The following PAX7 variants were observed in gnomAD, a reference collection of about 807,000 sequenced individuals.
The protein encoded by PAX7 is paired box protein Pax-7.
A neutral mutation model predicts 50.7 loss-of-function variants in PAX7; 18 were observed. That is an observed-to-expected ratio of 0.36 (90% CI 0.25 to 0.53). The LOEUF (loss-of-function observed/expected upper bound fraction) is 0.53. Among genes scored for constraint, PAX7 ranks in the 20% least tolerant of loss-of-function variants. The pLI is 0.93. For missense variants in PAX7, 644 were observed against 702.9 expected (o/e 0.92, Z 0.95); for synonymous variants, 310 against 290.4 (o/e 1.07, Z -0.69).
intron 8 of PAX7, among the ~76,000 whole-genome samples, chr1:18,741,785 T>C (rs137959679): frequency 6.6e-6 from 1 of 152,266 alleles, no homozygotes; most frequent in Non-Finnish European, 1.5e-5. Flanking sequence ...GAGCAGAACA[T>C]GGGATCAATG....
In PAX7 at chr1:18,655,158, CTG is replaced by C. The variant is rs562262366; in HGVS notation, c.586+18789_586+18790del. ...ATCTCATTACTGCAAAAAATAAAGACTGTTATTTTCAATGAAGACAATGTGAC... is the reference window on the plus strand; with the variant it reads ...ATCTCATTACTGCAAAAAATAAAGACTTATTTTCAATGAAGACAATGTGAC... On this transcript the variant is annotated intron_variant, in intron 4 of 8. Coordinates refer to ENST00000420770, the MANE Select transcript of PAX7 (RefSeq NM_001135254.2). Among the ~76,000 whole-genome samples the C allele has an allele frequency of 1.5e-3, 229 of 152,278 alleles. 1 individual carries two copies. The highest frequency in any genetic ancestry group is 0.01 in the South Asian group (50 of 4,824).
chr1:18,740,154 T>C (rs1034051047), intron 8 of PAX7, among the ~76,000 whole-genome samples: 3 of 152,294 alleles, frequency 2.0e-5, no homozygotes, highest in Non-Finnish European at 2.9e-5. Flanking sequence ...GGGAGGGCCG[T>C]TGACGGAGGC....
At chr1:18,707,408 T>A (rs1005320739) in intron 7 of PAX7, among the ~76,000 whole-genome samples, 28 of 99,036 alleles carry the variant, frequency 2.8e-4, no homozygotes, top group African/African-American at 9.5e-4. Flanking sequence ...CTTTTCTTTT[T>A]TTCTTTCTTT....
chr1:18,725,317 C>A (rs2236811), intron 7 of PAX7, among the ~76,000 whole-genome samples: 31,778 of 136,624 alleles, frequency 0.23, 5,543 homozygotes, highest in East Asian at 0.5. Context: ...CCCCCCGCCC[C>A]ACCAACACCG....
intron 4 of PAX7, among the ~76,000 whole-genome samples, chr1:18,681,510 C>T (rs947479754): frequency 3.3e-5 from 5 of 152,084 alleles, no homozygotes; most frequent in Non-Finnish European, 7.4e-5. Context: ...GTACCATTTC[C>T]AGCAGTACTA....
intron 7 of PAX7, among the ~76,000 whole-genome samples, chr1:18,727,399 CACACACACA>C (rs1557555292): frequency 6.8e-6 from 1 of 147,782 alleles, no homozygotes; most frequent in Non-Finnish European, 1.5e-5. Context: ...CACACACACA[CACACACACA>C]CAGAGTTAAC....
At chr1:18,699,485 C>T (rs1377903048) in intron 5 of PAX7, among the ~76,000 whole-genome samples, 1 of 152,082 alleles carries the variant, frequency 6.6e-6, no homozygotes, top group African/African-American at 2.4e-5. Flanking sequence ...CCCCAGTGTG[C>T]ACCCTCATTC....
intron 5 of PAX7, among the ~76,000 whole-genome samples, chr1:18,692,748 G>A (rs2100298852): frequency 6.6e-6 from 1 of 152,346 alleles, no homozygotes; most frequent in East Asian, 1.9e-4. Context: ...GCCAGTTCCT[G>A]GCAGGTTAGA....
At chr1:18,738,144 G>C (rs1930907234) in intron 8 of PAX7, among the ~76,000 whole-genome samples, 1 of 150,774 alleles carries the variant, frequency 6.6e-6, no homozygotes, top group African/African-American at 2.4e-5. Context: ...GTGTATAACT[G>C]TGTGTGTGTG....
At chr1:18,670,850 G>A (rs1028222108) in intron 4 of PAX7, among the ~76,000 whole-genome samples, 7 of 152,108 alleles carry the variant, frequency 4.6e-5, no homozygotes, top group Admixed American at 6.5e-5. Flanking sequence ...GGCTGGAGAC[G>A]CCTTCAGAAA....
rs568963663 is a variant in PAX7 at position 18,664,498 on chromosome 1, G to T, written c.587-27256G>T. On this transcript the variant is annotated intron_variant, in intron 4 of 8. Coordinates refer to ENST00000420770, the MANE Select transcript of PAX7 (RefSeq NM_001135254.2). ...CAGCCACACGAAAGTCCAGTTACCA[G>T]GCTGTCACAGCACTCTCATTTGGTC... Among the ~76,000 whole-genome samples the T allele has an allele frequency of 5.3e-5, 8 of 152,306 alleles. No individual in the cohort carries two copies. The East Asian group carries it at 1.5e-3, about 29-fold the overall frequency.
intron 1 of PAX7, among the ~76,000 whole-genome samples, chr1:18,633,622 C>T (rs2088095218): frequency 6.6e-6 from 1 of 152,182 alleles, no homozygotes; most frequent in Admixed American, 6.5e-5. Context: ...TGGTTAGAAG[C>T]AAGGAGAGTC....
At chr1:18,691,664 A>C in intron 4 of PAX7, 90 bp from the exon 5 acceptor site, 1 of 1,152,430 alleles carries the variant, frequency 8.7e-7, no homozygotes. Context: ...CTAGGTGGGC[A>C]CGAGTGTGCC....
chr1:18,728,483 G>A (rs186371294), intron 7 of PAX7, among the ~76,000 whole-genome samples: 43 of 151,988 alleles, frequency 2.8e-4, no homozygotes, highest in African/African-American at 1.0e-3. Context: ...ATGGTATTAC[G>A]CGTGTGTAGC....
intron 7 of PAX7, among the ~76,000 whole-genome samples, chr1:18,723,816 G>C (rs1173796311): frequency 1.3e-5 from 2 of 152,206 alleles, no homozygotes; most frequent in African/African-American, 4.8e-5. Context: ...CCTGGCTGAG[G>C]GGGAGAGAGG....
Position 18,703,212 on chromosome 1 carries a change from C to A in PAX7, c.1071C>A (p.Ser357Arg). Residue 357 changes from serine (S) to arginine (R), a missense_variant, in exon 7 of 9, where the codon AGC becomes AGA. Coordinates refer to ENST00000420770, the MANE Select transcript of PAX7 (RefSeq NM_001135254.2). The stretch of plus-strand genomic sequence containing the variant: ...GCTCTGCCTACGGAGCCCGCCACAG[C>A]TTCTCCAGCTACTCTGACAGCTTCA... ...DTSSAYGARH[S>R]FSSYSDSFMN... 6.2e-7 allele frequency: 1 copy of A among 1,614,212 alleles called. No individual in the cohort carries two copies. Among genetic ancestry groups the A allele is most frequent in the East Asian group, 2.2e-5 (1 of 44,890 alleles).
At chr1:18,686,093 G>C (rs1570169969) in intron 4 of PAX7, among the ~76,000 whole-genome samples, 1 of 152,180 alleles carries the variant, frequency 6.6e-6, no homozygotes, top group Admixed American at 6.5e-5. Context: ...GATGTTTTAC[G>C]TCTGTCCTGT....
chr1:18,657,326 A>G (rs901501154), intron 4 of PAX7, among the ~76,000 whole-genome samples: 6 of 151,936 alleles, frequency 3.9e-5, no homozygotes, highest in Admixed American at 1.3e-4. Context: ...CTCTGATCTG[A>G]GAAGCAGAAG....
intron 7 of PAX7, among the ~76,000 whole-genome samples, chr1:18,703,531 A>C (rs1357290583): frequency 6.6e-6 from 1 of 152,216 alleles, no homozygotes; most frequent in Non-Finnish European, 1.5e-5. Context: ...AGAATTGTGG[A>C]TGGGGTTCTG....
Sources: allele counts gnomAD v4.1 joint callset (sites outside exome capture counted in the v4.1 genomes callset), GRCh38; gene constraint gnomAD v4.1.1; transcripts MANE v1.5; gene names NCBI Gene and HGNC (gene_info 2026-07-23, HGNC 2026-07-21).